MALRD1: variants seen among roughly 807,000 people sequenced by gnomAD.
MALRD1 encodes the protein MAM and LDL-receptor class A domain-containing protein 1.
A neutral mutation model predicts 242.1 loss-of-function variants in MALRD1; 247 were observed. The observed-to-expected ratio is 1.02, with a 90% CI of 0.92 to 1.13. MALRD1 has a LOEUF of 1.13. Ranked by LOEUF, MALRD1 falls within the 50% of genes most tolerant of loss-of-function variation. MALRD1 has a pLI of 0.00. For synonymous variants in MALRD1, 995 were observed against 866.6 expected (o/e 1.15, Z -2.60); for missense variants, 2,989 against 2,533.1 (o/e 1.18, Z -3.86).
chr10:19,648,578 A>G (rs777941345), intron 36 of MALRD1, among the ~76,000 whole-genome samples: 4 of 152,196 alleles, frequency 2.6e-5, no homozygotes, highest in Non-Finnish European at 4.4e-5. Context: ...TCAGAGGAAG[A>G]TGACCAAAGT....
rs1045698612 is a variant in MALRD1, at chr10:19,654,742, A to C, written c.6138-37540A>C. On this transcript the variant is annotated intron_variant, in intron 36 of 39. Coordinates refer to ENST00000454679, the MANE Select transcript of MALRD1 (RefSeq NM_001142308.3). ...TAAAATACAAATGAGACAGAACGAAAATTGAAGCTGAAAATATCCAGGCAC... is the reference window on the plus strand; with the variant it reads ...TAAAATACAAATGAGACAGAACGAACATTGAAGCTGAAAATATCCAGGCAC... Among the ~76,000 whole-genome samples the C allele has an allele frequency of 6.6e-5, 10 of 152,304 alleles. 1 individual carries two copies. In the South Asian group the frequency reaches 1.7e-3, roughly 25 times the overall value.
chr10:19,730,817 T>C (rs2131941342), intron 39 of MALRD1, 36 bp downstream of exon 39: 1 of 1,500,170 alleles, frequency 6.7e-7, no homozygotes, highest in Non-Finnish European at 9.0e-7. Context: ...TTTTCACACA[T>C]ATGCACACAC....
At chr10:19,343,320 C>T (rs181907198) in intron 24 of MALRD1, among the ~76,000 whole-genome samples, 1 of 152,078 alleles carries the variant, frequency 6.6e-6, no homozygotes, top group East Asian at 1.9e-4. Context: ...TGCATTTTTC[C>T]CTCAGTGGTT....
intron 11 of MALRD1, among the ~76,000 whole-genome samples, chr10:19,153,790 G>T (rs533388928): frequency 5.7e-4 from 86 of 151,850 alleles, no homozygotes; most frequent in African/African-American, 1.6e-3. Context: ...TACTTTTGTT[G>T]TCTAAACGAT....
chr10:19,413,831 G>T (rs1452487376), intron 28 of MALRD1, among the ~76,000 whole-genome samples: 1 of 151,762 alleles, frequency 6.6e-6, no homozygotes, highest in Non-Finnish European at 1.5e-5. Flanking sequence ...GGTACCTGTA[G>T]TCCCAGCCAC....
chr10:19,142,451 A>AT (rs1203964738), intron 10 of MALRD1, among the ~76,000 whole-genome samples: 1 of 152,090 alleles, frequency 6.6e-6, no homozygotes, highest in Non-Finnish European at 1.5e-5. Flanking sequence ...CATGATCCAG[A>AT]TTTTTTCTCA....
chr10:19,392,442 G>GA (rs1270367828), intron 28 of MALRD1, among the ~76,000 whole-genome samples: 14 of 151,910 alleles, frequency 9.2e-5, no homozygotes, highest in African/African-American at 3.1e-4. Context: ...ATATTTTTTA[G>GA]AAAAAAACAA....
At chr10:19,399,424 T>G (rs557960848) in intron 28 of MALRD1, among the ~76,000 whole-genome samples, 2 of 152,218 alleles carry the variant, frequency 1.3e-5, no homozygotes. Flanking sequence ...TAATTTTTAA[T>G]GCATACTCTT....
chr10:19,487,613 C>A (rs1350336351), intron 29 of MALRD1, among the ~76,000 whole-genome samples: 3 of 151,020 alleles, frequency 2.0e-5, no homozygotes, highest in Non-Finnish European at 2.9e-5. Context: ...GGCTTTACAT[C>A]CTATGGCATG....
At chr10:19,150,465 C>A (rs1460567291) in intron 11 of MALRD1, among the ~76,000 whole-genome samples, 2 of 152,140 alleles carry the variant, frequency 1.3e-5, no homozygotes. Context: ...GGGCAGCTGG[C>A]ACTCTGTCTT....
intron 19 of MALRD1, among the ~76,000 whole-genome samples, chr10:19,279,158 A>G (rs1447564956): frequency 6.6e-6 from 1 of 152,116 alleles, no homozygotes; most frequent in African/African-American, 2.4e-5. Context: ...TTTTGTAATG[A>G]GTTGTTTGGC....
chr10:19,729,768 G>A (rs1471418451), intron 38 of MALRD1, among the ~76,000 whole-genome samples: 2 of 103,968 alleles, frequency 1.9e-5, no homozygotes, highest in African/African-American at 3.8e-5. Context: ...ACGGAGTCTC[G>A]CTCTGTGGCC....
intron 36 of MALRD1, among the ~76,000 whole-genome samples, chr10:19,651,155 G>C (rs1466810104): frequency 6.6e-6 from 1 of 152,178 alleles, no homozygotes; most frequent in East Asian, 1.9e-4. Context: ...CAAGTCCAAA[G>C]AATTTAGTTA....
intron 38 of MALRD1, among the ~76,000 whole-genome samples, chr10:19,712,156 T>C (rs961382848): frequency 3.3e-5 from 5 of 152,140 alleles, no homozygotes; most frequent in African/African-American, 1.2e-4. Context: ...TATGGAACAC[T>C]TGGGTCAGCT....
intron 25 of MALRD1, among the ~76,000 whole-genome samples, chr10:19,351,753 A>G (rs1008421802): frequency 6.6e-6 from 1 of 152,128 alleles, no homozygotes; most frequent in African/African-American, 2.4e-5. Flanking sequence ...AAGAAAGTAA[A>G]CTCAGCCCTT....
At chr10:19,585,652 C>T (rs906230413) in intron 33 of MALRD1, among the ~76,000 whole-genome samples, 8 of 152,036 alleles carry the variant, frequency 5.3e-5, no homozygotes, top group Non-Finnish European at 8.8e-5. Flanking sequence ...TCTGGCTGCC[C>T]TTAACATTTT....
At chr10:19,103,151 G>C (rs756809301) in intron 4 of MALRD1, among the ~76,000 whole-genome samples, 1 of 151,822 alleles carries the variant, frequency 6.6e-6, no homozygotes, top group Non-Finnish European at 1.5e-5. Flanking sequence ...GACAGGCCAC[G>C]TTCAGTCATT....
At chr10:19,660,632 A>C (rs778732231) in intron 36 of MALRD1, among the ~76,000 whole-genome samples, 27 of 152,144 alleles carry the variant, frequency 1.8e-4, no homozygotes, top group Non-Finnish European at 3.4e-4. Flanking sequence ...TTTGAGAGTA[A>C]AGAGCGATTG....
intron 34 of MALRD1, among the ~76,000 whole-genome samples, chr10:19,600,550 C>G (rs984113617): frequency 7.9e-5 from 12 of 152,160 alleles, no homozygotes; most frequent in African/African-American, 2.9e-4. Flanking sequence ...CCCTGAAGGG[C>G]TTGTAGCCTT....
Sources: allele counts gnomAD v4.1 joint callset (sites outside exome capture counted in the v4.1 genomes callset), GRCh38; gene constraint gnomAD v4.1.1; transcripts MANE v1.5; gene names NCBI Gene and HGNC (gene_info 2026-07-23, HGNC 2026-07-21).